The following ST13 variants were observed in gnomAD, a reference collection of about 807,000 sequenced individuals.
ST13 encodes ST13 Hsp70 interacting protein, also known as hsc70-interacting protein.
Under a neutral mutation model 56.7 loss-of-function variants are expected in ST13, and 23 were observed. The ratio of observed to expected loss-of-function variants is 0.41; its 90% CI spans 0.29 to 0.57. The LOEUF (loss-of-function observed/expected upper bound fraction) is 0.57, where lower values mean the gene tolerates loss of function less well. Among genes scored for constraint, ST13 ranks in the 20% least tolerant of loss-of-function variants. ST13 has a pLI of 0.36. For synonymous variants in ST13, 132 were observed against 142.4 expected, an observed-to-expected ratio of 0.93 and a Z score of 0.52; for missense variants, 369 against 459.9, an observed-to-expected ratio of 0.80 and a Z score of 1.81.
At chr22:40,851,781 T>C (rs918332438) in intron 1 of ST13, among the ~76,000 whole-genome samples, 1 of 151,670 alleles carries the variant, frequency 6.6e-6, no homozygotes, top group Non-Finnish European at 1.5e-5. Flanking sequence ...AGTCTTGCTC[T>C]GTCACCCAGG....
At chr22:40,851,949 T>C (rs1351038075) in intron 1 of ST13, among the ~76,000 whole-genome samples, 1 of 152,158 alleles carries the variant, frequency 6.6e-6, no homozygotes, top group Non-Finnish European at 1.5e-5. Context: ...TTCACCATGT[T>C]AGCCAGAACG....
rs557150209 is a variant in ST13, at chr22:40,840,863, C to T, written c.316-171G>A. Among the ~76,000 whole-genome samples the T allele has an allele frequency of 5.9e-5, 9 of 152,224 alleles. No homozygotes were observed. In the South Asian group the frequency reaches 1.2e-3, roughly 21 times the overall value. On this transcript the variant is annotated intron_variant, in intron 4 of 11. Transcript: ENST00000216218. ...TAACTCATTAGTGAGAAATTACATA[C>T]GAGTTTTAACCTTTTATACTAAACA...
chr22:40,827,065 CA>C, intron 11 of ST13, 30 bp downstream of exon 11: 1 of 1,604,744 alleles, frequency 6.2e-7, no homozygotes. Context: ...CTTAATGATA[CA>C]AAGTCCAAAG....
Position 40,856,415 on chromosome 22 carries a change from C to T in ST13, c.110+16G>A, listed in dbSNP as rs1416493254. On this transcript the variant is annotated intron_variant, in intron 1 of 11. Coordinates refer to ENST00000216218, the MANE Select transcript of ST13 (RefSeq NM_003932.5). ...TGCTTCCCCCGCCCCCAACGGTCCTCAGGCCTGGGTCTCACCTCTCCACCC... is the reference window on the plus strand; with the variant it reads ...TGCTTCCCCCGCCCCCAACGGTCCTTAGGCCTGGGTCTCACCTCTCCACCC... The T allele has an allele frequency of 1.9e-6, 3 of 1,607,808 alleles. No individual in the cohort carries two copies. Among genetic ancestry groups the T allele is most frequent in the Non-Finnish European group, 2.6e-6 (3 of 1,174,460 alleles).
Position 40,832,595 on chromosome 22 carries a change from C to T in ST13, c.655G>A (p.Ala219Thr), listed in dbSNP as rs62642553. The change falls in exon 8 of 12, where the codon GCA becomes ACA. Residue 219 changes from alanine (A) to threonine (T), a missense_variant. By Grantham distance (58) the Ala-to-Thr change is moderately conservative. Coordinates refer to ENST00000216218, the MANE Select transcript of ST13 (RefSeq NM_003932.5). The part of the protein sequence containing the change: ...CKLDYDEDAS[A>T]MLKEVQPRAQ... ...CTAGGTTGAACTTCTTTCAGCATTGCACTAGCATCTTCATCATAATCCAAT... is the reference window on the plus strand; with the variant it reads ...CTAGGTTGAACTTCTTTCAGCATTGTACTAGCATCTTCATCATAATCCAAT... 2.1e-5 allele frequency: 33 copies of T among 1,608,078 alleles called. No homozygotes were observed. The African/African-American group carries it at 4.0e-4, about 20-fold the overall frequency.
chr22:40,828,418 CACGGT>C (rs886469306), intron 10 of ST13, among the ~76,000 whole-genome samples: 2 of 149,268 alleles, frequency 1.3e-5, no homozygotes, highest in African/African-American at 5.0e-5. Context: ...TCCTGGCTAA[CACGGT>C]GAAACCCCGT....
chr22:40,848,475 G>A (rs2057844398), intron 2 of ST13, 106 bp from the exon 3 acceptor site: 3 of 791,360 alleles, frequency 3.8e-6, no homozygotes, highest in Non-Finnish European at 6.3e-6. Context: ...GGCCAGGCAT[G>A]GCGGCTCATG....
chr22:40,850,207 G>A (rs6002180), intron 2 of ST13, among the ~76,000 whole-genome samples: 9,340 of 152,302 alleles, frequency 0.061, 386 homozygotes, highest in East Asian at 0.2. Context: ...GCAGTGAGCC[G>A]AGATTGTACC....
chr22:40,830,972 A>G lies in ST13; in HGVS notation c.682-16T>C, dbSNP rs764251718. The G allele has an allele frequency of 7.7e-6, 12 of 1,551,658 alleles. No individual in the cohort carries two copies. Among genetic ancestry groups the G allele is most frequent in the Non-Finnish European group, 9.7e-6 (11 of 1,137,098 alleles). ...TTTTCTGTGCCTAGAAAAAAGAGCC[A>G]TAGCAAAATAAGCTTGCTCCAAAAG... On this transcript the variant is annotated splice_polypyrimidine_tract_variant and intron_variant, in intron 8 of 11. Transcript: ENST00000216218.
At chr22:40,834,080 T>C (rs1393138739) in intron 7 of ST13, among the ~76,000 whole-genome samples, 1 of 152,042 alleles carries the variant, frequency 6.6e-6, no homozygotes, top group Non-Finnish European at 1.5e-5. Flanking sequence ...AGTTTGAGAA[T>C]AGCCTGGCTA....
At chr22:40,844,022 A>T (rs1215464213) in intron 4 of ST13, among the ~76,000 whole-genome samples, 1 of 151,952 alleles carries the variant, frequency 6.6e-6, no homozygotes, top group Non-Finnish European at 1.5e-5. Flanking sequence ...AGCTGGGATT[A>T]CAGGCGTGCA....
chr22:40,854,416 T>C (rs1312892456), intron 1 of ST13: 1 of 152,252 alleles, frequency 6.6e-6, no homozygotes, highest in Non-Finnish European at 1.5e-5. Flanking sequence ...CAACTCAGGA[T>C]GGCTAAAGAA....
chr22:40,836,191 C>T (rs1032734381), intron 5 of ST13, among the ~76,000 whole-genome samples: 1 of 152,204 alleles, frequency 6.6e-6, no homozygotes, highest in Non-Finnish European at 1.5e-5. Flanking sequence ...TGGCTCACGC[C>T]TGTAATCCCA....
At chr22:40,848,157 T>C in intron 3 of ST13, 137 bp downstream of exon 3, 2 of 590,180 alleles carry the variant, frequency 3.4e-6, no homozygotes, top group Non-Finnish European at 3.0e-6. Flanking sequence ...TTCTAAAATG[T>C]GACTACTAGA....
At chr22:40,853,727 G>A (rs149765441) in intron 1 of ST13, among the ~76,000 whole-genome samples, 3 of 152,240 alleles carry the variant, frequency 2.0e-5, no homozygotes, top group Non-Finnish European at 2.9e-5. Flanking sequence ...AATGCATTCT[G>A]TTCATTTCCT....
At position 40,827,249 on chromosome 22, in the gene ST13, G is replaced by A; in HGVS notation, c.848-20C>T. ...AGCCACCTGTAATAAAAAATGAATAGACACTAATCATACTCCCAAATATTC... is the reference window on the plus strand; with the variant it reads ...AGCCACCTGTAATAAAAAATGAATAAACACTAATCATACTCCCAAATATTC... On this transcript the variant is annotated intron_variant, in intron 10 of 11. Transcript: ENST00000216218. 1 of 1,612,252 alleles carries A rather than the reference G, an allele frequency of 6.2e-7. No individual in the cohort carries two copies. The highest frequency in any genetic ancestry group is 8.5e-7 in the Non-Finnish European group (1 of 1,179,004).
intron 1 of ST13, 39 bp downstream of exon 1, chr22:40,856,392 C>T (rs755005385): frequency 1.9e-6 from 3 of 1,555,198 alleles, no homozygotes; most frequent in African/African-American, 2.7e-5. Flanking sequence ...TGGGGCCGTG[C>T]TTCCCCCGCC....
rs1485669602 is a variant in ST13, at chr22:40,829,164, C to T, written c.847+462G>A. ...TCGGATCATGCAACTAAGTTCTAAC[C>T]AGTGACATATAAGCATACGTAGCCT... On this transcript the variant is annotated intron_variant, in intron 10 of 11. Coordinates refer to ENST00000216218, the MANE Select transcript of ST13 (RefSeq NM_003932.5). Among the ~76,000 whole-genome samples the T allele has an allele frequency of 2.6e-5, 4 of 152,150 alleles. No individual in the cohort carries two copies. In the East Asian group the frequency reaches 5.8e-4, roughly 22 times the overall value.
intron 3 of ST13, among the ~76,000 whole-genome samples, chr22:40,845,598 A>G (rs974526762): frequency 6.6e-6 from 1 of 152,188 alleles, no homozygotes; most frequent in Non-Finnish European, 1.5e-5. Flanking sequence ...AGTAGTGACC[A>G]AAGCTAGTAC....
Sources: allele counts gnomAD v4.1 joint callset (sites outside exome capture counted in the v4.1 genomes callset), GRCh38; gene constraint gnomAD v4.1.1; transcripts MANE v1.5; gene names NCBI Gene and HGNC (gene_info 2026-07-23, HGNC 2026-07-21).